The following LEMD3 variants were observed in gnomAD, a reference collection of about 807,000 sequenced individuals.
LEMD3 encodes the protein inner nuclear membrane protein Man1.
LEMD3 carries 33 observed loss-of-function variants against 95.2 expected under a neutral mutation model. The observed-to-expected ratio is 0.35, with a 90% CI of 0.26 to 0.46. LEMD3 has a LOEUF of 0.46. Ranked by LOEUF, LEMD3 falls within the 20% of genes least tolerant of loss-of-function variation. The probability of loss-of-function intolerance (pLI) is 1.00; values close to 1 mark genes in which losing one functional copy is unlikely to be tolerated. For synonymous variants in LEMD3, 525 were observed against 474.6 expected, an observed-to-expected ratio of 1.11 and a Z score of -1.38; for missense variants, 1,210 against 1,192.8, an observed-to-expected ratio of 1.01 and a Z score of -0.21.
intron 1 of LEMD3, among the ~76,000 whole-genome samples, chr12:65,183,942 C>G (rs1868982981): frequency 6.6e-6 from 1 of 152,110 alleles, no homozygotes; most frequent in Non-Finnish European, 1.5e-5. Context: ...AGAGATGGCT[C>G]TTTGAGTCTG....
At chr12:65,230,448 G>A (rs1056540802) in intron 4 of LEMD3, among the ~76,000 whole-genome samples, 2 of 150,344 alleles carry the variant, frequency 1.3e-5, no homozygotes, top group Admixed American at 1.3e-4. Flanking sequence ...GTGTTTTATG[G>A]TTTTTTTTTA....
intron 4 of LEMD3, among the ~76,000 whole-genome samples, chr12:65,223,814 A>G (rs994563384): frequency 3.7e-5 from 5 of 136,004 alleles, no homozygotes; most frequent in African/African-American, 1.1e-4. Flanking sequence ...CCTTTTCCAT[A>G]TCTTACTCTT....
intron 4 of LEMD3, among the ~76,000 whole-genome samples, chr12:65,219,120 T>A (rs974996508): frequency 7.2e-5 from 11 of 152,126 alleles, no homozygotes; most frequent in African/African-American, 2.7e-4. Context: ...ACATTCTCTA[T>A]GAGAGAATGC....
chr12:65,202,373 A>ATT (rs202206449), intron 1 of LEMD3, among the ~76,000 whole-genome samples: 3 of 148,878 alleles, frequency 2.0e-5, no homozygotes, highest in African/African-American at 4.9e-5. Flanking sequence ...AGATCATGTG[A>ATT]TTTTTTTTTT....
intron 1 of LEMD3, among the ~76,000 whole-genome samples, chr12:65,191,912 C>A (rs1869252821): frequency 9.2e-6 from 1 of 108,134 alleles, no homozygotes; most frequent in South Asian, 3.3e-4. Context: ...GCAACAGAGC[C>A]AGACTCCGTC....
chr12:65,212,119 A>C (rs977261562), intron 2 of LEMD3, among the ~76,000 whole-genome samples: 1 of 152,114 alleles, frequency 6.6e-6, no homozygotes, highest in Non-Finnish European at 1.5e-5. Flanking sequence ...GTGGCAGGCA[A>C]CAGAATATAT....
intron 1 of LEMD3, among the ~76,000 whole-genome samples, chr12:65,187,554 G>T (rs193284022): frequency 6.0e-4 from 91 of 151,890 alleles, no homozygotes; most frequent in African/African-American, 2.1e-3. Flanking sequence ...TGTATTTCAT[G>T]TATTTGTTTT....
At chr12:65,188,191 CT>C (rs1401480001) in intron 1 of LEMD3, among the ~76,000 whole-genome samples, 1 of 137,690 alleles carries the variant, frequency 7.3e-6, no homozygotes, top group African/African-American at 2.5e-5. Flanking sequence ...TATAAAGACT[CT>C]TTTAATATTG....
In LEMD3 at chr12:65,225,114, TC is replaced by T. The variant is rs140397267; in HGVS notation, c.1695+6496del. Among the ~76,000 whole-genome samples the T allele has an allele frequency of 3.5e-3, 526 of 152,304 alleles. 3 individuals carry two copies. The highest frequency in any genetic ancestry group is 0.012 in the African/African-American group (508 of 41,576). ...ATATTTTCTGTCTCTTTGTTGATAT[TC>T]TTACTTGATTCATGCATTGTTTTCC... On this transcript the variant is annotated intron_variant, in intron 4 of 12. Transcript: ENST00000308330.
In LEMD3 at chr12:65,239,922, A is replaced by G; in HGVS notation, c.1922-7A>G. ...TTTTTAAAATACAAAGTATATTAAT[A>G]TTACAGGTGTAGTGATGGTTTGTGT... On this transcript the variant is annotated splice_polypyrimidine_tract_variant and splice_region_variant and intron_variant, in intron 6 of 12. Transcript: ENST00000308330. 6.4e-7 allele frequency: 1 copy of G among 1,567,492 alleles called. No individual in the cohort carries two copies. The highest frequency in any genetic ancestry group is 8.8e-7 in the Non-Finnish European group (1 of 1,137,930).
chr12:65,170,441 C>T lies in LEMD3; in HGVS notation c.845C>T (p.Ser282Phe). 6.2e-7 allele frequency: 1 copy of T among 1,613,986 alleles called. No individual in the cohort carries two copies. Among genetic ancestry groups the T allele is most frequent in the East Asian group, 2.2e-5 (1 of 44,832 alleles). The change falls in exon 1 of 13, where the codon TCC (serine) becomes TTC (phenylalanine). Residue 282 changes from serine (S) to phenylalanine (F), a missense_variant. Coordinates refer to ENST00000308330, the MANE Select transcript of LEMD3 (RefSeq NM_014319.5). The part of the protein sequence containing the change: ...SRQVLKDDSL[S>F]RHRPRRTHSK... ...CAGGTATTAAAGGACGACTCCCTTTCCCGGCATCGGCCCAGACGAACCCAT... is the reference window on the plus strand; with the variant it reads ...CAGGTATTAAAGGACGACTCCCTTTTCCGGCATCGGCCCAGACGAACCCAT...
At chr12:65,243,602 GT>G (rs1207483939) in intron 10 of LEMD3, 133 bp downstream of exon 10, 1 of 689,400 alleles carries the variant, frequency 1.5e-6, no homozygotes, top group African/African-American at 1.8e-5. Context: ...GAAATGTTAT[GT>G]TTTTCTCTTT....
At chr12:65,211,284 C>A (rs972660924) in intron 2 of LEMD3, among the ~76,000 whole-genome samples, 1 of 152,128 alleles carries the variant, frequency 6.6e-6, no homozygotes, top group Non-Finnish European at 1.5e-5. Context: ...TCTTGTCTTA[C>A]ACTTAGAAGT....
In LEMD3 at chr12:65,246,241, A is replaced by C. The variant is rs1329276713; in HGVS notation, c.2652A>C (p.Pro884=). 1 of 1,612,880 alleles carries C rather than the reference A, an allele frequency of 6.2e-7. No homozygotes were observed. The highest frequency in any genetic ancestry group is 2.2e-5 in the East Asian group (1 of 44,870). The part of the protein sequence containing the change: ...RFPQALTSNT[P]LKPSNKHMNS... ...CCCAGGCTCTCACTTCCAACACTCC[A>C]TTGAAGCCATCAAATAAACATATGA... Residue 884 remains proline (P), a synonymous_variant, in exon 13 of 13, where the codon CCA becomes CCC. Transcript: ENST00000308330.
chr12:65,221,618 TG>T (rs1299905922), intron 4 of LEMD3, among the ~76,000 whole-genome samples: 1 of 152,144 alleles, frequency 6.6e-6, no homozygotes, highest in East Asian at 1.9e-4. Flanking sequence ...CTGATTTGGA[TG>T]TTTTTTATTT....
chr12:65,240,318 T>C (rs1256724931), intron 8 of LEMD3, 80 bp downstream of exon 8: 1 of 1,074,420 alleles, frequency 9.3e-7, no homozygotes, highest in East Asian at 2.4e-5. Context: ...TATTGAGAGC[T>C]GTGACCCTTC....
chr12:65,218,667 A>G (rs761949803), intron 4 of LEMD3, 48 bp downstream of exon 4: 20 of 1,039,604 alleles, frequency 1.9e-5, no homozygotes, highest in South Asian at 9.7e-5. Context: ...AAAAAATTAT[A>G]TAAATCATTG....
chr12:65,216,930 T>G (rs1870128628), intron 3 of LEMD3, among the ~76,000 whole-genome samples: 1 of 152,350 alleles, frequency 6.6e-6, no homozygotes, highest in Non-Finnish European at 1.5e-5. Flanking sequence ...TTGCTTTGAT[T>G]GTCATTCACA....
Position 65,169,760 on chromosome 12 carries a change from G to A in LEMD3, c.164G>A (p.Arg55Gln). ...KLREEEQQQHRSGGRGNKTRN... is the reference protein window; with the variant it reads ...KLREEEQQQHQSGGRGNKTRN... ...CGAGAGGAAGAGCAGCAACAGCACC[G>A]GTCAGGGGGCCGCGGCAACAAGACG... The change falls in exon 1 of 13, where the codon CGG becomes CAG. Residue 55 changes from arginine (R) to glutamine (Q), a missense_variant. Arg to Gln is a conservative substitution (Grantham distance 43). Around this residue, in one of 2 missense-constraint regions of LEMD3, gnomAD observed 749 missense variants for 622.9 expected, o/e 1.20. Coordinates refer to ENST00000308330, the MANE Select transcript of LEMD3 (RefSeq NM_014319.5). 7 of 1,587,964 alleles carry A rather than the reference G, an allele frequency of 4.4e-6. No homozygotes were observed. The highest frequency in any genetic ancestry group is 3.5e-5 in the Admixed American group (2 of 56,910).
Sources: allele counts gnomAD v4.1 joint callset (sites outside exome capture counted in the v4.1 genomes callset), GRCh38; gene constraint gnomAD v4.1.1; regional missense constraint gnomAD v4.1.1; transcripts MANE v1.5; gene names NCBI Gene and HGNC (gene_info 2026-07-23, HGNC 2026-07-21).